The following KCND2 variants were observed in gnomAD, a reference collection of about 807,000 sequenced individuals.
KCND2 encodes potassium voltage-gated channel subfamily D member 2.
A neutral mutation model predicts 54.4 loss-of-function variants in KCND2; 16 were observed. The observed-to-expected ratio is 0.29, with a 90% CI of 0.20 to 0.45. The LOEUF (loss-of-function observed/expected upper bound fraction) is 0.45. Among genes scored for constraint, KCND2 ranks in the 20% least tolerant of loss-of-function variants. KCND2 has a pLI of 1.00. For synonymous variants in KCND2, 317 were observed against 310.7 expected, an observed-to-expected ratio of 1.02 and a Z score of -0.21; for missense variants, 486 against 824.2, an observed-to-expected ratio of 0.59 and a Z score of 5.02.
intron 1 of KCND2, among the ~76,000 whole-genome samples, chr7:120,376,144 A>G (rs1198311233): frequency 6.6e-6 from 1 of 151,814 alleles, no homozygotes; most frequent in African/African-American, 2.4e-5. Flanking sequence ...AACTATCTTT[A>G]ATAGTTTGAA....
At chr7:120,545,096 A>G (rs1441170709) in intron 1 of KCND2, among the ~76,000 whole-genome samples, 1 of 151,902 alleles carries the variant, frequency 6.6e-6, no homozygotes, top group Non-Finnish European at 1.5e-5. Flanking sequence ...AAACATTACC[A>G]TAGGTGTAAA....
chr7:120,595,591 G>GTATATATATATATATATATATATA (rs58301382), intron 1 of KCND2, among the ~76,000 whole-genome samples: 8 of 131,898 alleles, frequency 6.1e-5, no homozygotes, highest in South Asian at 2.4e-4. Context: ...GTGTGTGTGT[G>GTATATATATATATATATATATATA]TATATATATA....
At chr7:120,571,296 A>G (rs1792362787) in intron 1 of KCND2, among the ~76,000 whole-genome samples, 1 of 152,232 alleles carries the variant, frequency 6.6e-6, no homozygotes, top group African/African-American at 2.4e-5. Flanking sequence ...TAAAGAGAGA[A>G]AAAGATAGAA....
chr7:120,545,795 A>G (rs547926634), intron 1 of KCND2, among the ~76,000 whole-genome samples: 26 of 151,696 alleles, frequency 1.7e-4, no homozygotes, highest in Non-Finnish European at 1.8e-4. Context: ...ATTTGGAGGG[A>G]GTTATAGAGA....
intron 1 of KCND2, among the ~76,000 whole-genome samples, chr7:120,532,279 TCAAA>T (rs933444299): frequency 1.3e-5 from 2 of 151,832 alleles, no homozygotes; most frequent in Non-Finnish European, 2.9e-5. Flanking sequence ...TAGAGAGAAA[TCAAA>T]CAAATAAATA....
intron 1 of KCND2, among the ~76,000 whole-genome samples, chr7:120,504,539 A>G (rs758280980): frequency 6.6e-5 from 10 of 151,900 alleles, no homozygotes; most frequent in Non-Finnish European, 1.2e-4. Flanking sequence ...GGTTTTAATT[A>G]TACATCATAG....
chr7:120,651,213 G>T (rs1300741709), intron 1 of KCND2, among the ~76,000 whole-genome samples: 1 of 143,394 alleles, frequency 7.0e-6, no homozygotes, highest in Non-Finnish European at 1.5e-5. Context: ...TGCCCCCAGA[G>T]GTGGAGTCTA....
chr7:120,283,483 A>G (rs1427347308), intron 1 of KCND2, among the ~76,000 whole-genome samples: 1 of 152,154 alleles, frequency 6.6e-6, no homozygotes, highest in East Asian at 1.9e-4. Context: ...AGTTTTTTAT[A>G]TTTACCTTAG....
At chr7:120,708,095 A>G (rs1484319313) in intron 1 of KCND2, among the ~76,000 whole-genome samples, 1 of 152,170 alleles carries the variant, frequency 6.6e-6, no homozygotes, top group Non-Finnish European at 1.5e-5. Context: ...AAAGGGAAAA[A>G]CAAAAGTGAC....
intron 1 of KCND2, among the ~76,000 whole-genome samples, chr7:120,430,565 A>AT (rs2116162999): frequency 6.6e-6 from 1 of 152,156 alleles, no homozygotes; most frequent in Admixed American, 6.5e-5. Flanking sequence ...AAAAAAAAAA[A>AT]ATCTGATTAT....
chr7:120,407,908 T>A (rs1801386107), intron 1 of KCND2, among the ~76,000 whole-genome samples: 1 of 151,828 alleles, frequency 6.6e-6, no homozygotes, highest in Admixed American at 6.6e-5. Flanking sequence ...ACTGAAAAGT[T>A]TGCACTTTAT....
intron 1 of KCND2, among the ~76,000 whole-genome samples, chr7:120,420,273 C>T (rs1332857180): frequency 6.6e-6 from 1 of 152,136 alleles, no homozygotes; most frequent in African/African-American, 2.4e-5. Context: ...CTAATTTTTA[C>T]ATCTACTCAG....
At chr7:120,332,106 T>C (rs898177933) in intron 1 of KCND2, among the ~76,000 whole-genome samples, 11 of 152,062 alleles carry the variant, frequency 7.2e-5, no homozygotes, top group Non-Finnish European at 1.3e-4. Flanking sequence ...CCTCATTCAA[T>C]TGAAATTGAT....
At chr7:120,686,046 CA>C (rs1311165757) in intron 1 of KCND2, among the ~76,000 whole-genome samples, 1 of 152,054 alleles carries the variant, frequency 6.6e-6, no homozygotes, top group Non-Finnish European at 1.5e-5. Context: ...TTCTCTCTGG[CA>C]AAGAAAGGCA....
rs1164141443 is a variant in KCND2 at position 120,483,761 on chromosome 7, C to T, written c.1115+208014C>T. ...AAGATACTGCTAAGCTTAAAGAAAGCAATTTCAGTCAGCTAGTAAAATGAA... is the reference window on the plus strand; with the variant it reads ...AAGATACTGCTAAGCTTAAAGAAAGTAATTTCAGTCAGCTAGTAAAATGAA... On this transcript the variant is annotated intron_variant, in intron 1 of 5. Coordinates refer to ENST00000331113, the MANE Select transcript of KCND2 (RefSeq NM_012281.3). Among the ~76,000 whole-genome samples the T allele has an allele frequency of 2.0e-5, 3 of 152,134 alleles. No individual in the cohort carries two copies. In the East Asian group the frequency reaches 5.8e-4, roughly 29 times the overall value.
rs1799106177 is a variant in KCND2, at chr7:120,273,265, G to A, written c.-1368G>A. On this transcript the variant is annotated 5_prime_UTR_variant, in exon 1 of 6. Transcript: ENST00000331113. ...TAGCAGAGCAGCGCGGGGAGCCCGG[G>A]GAGATGCAGGACCACCCACTGGCGG... is the stretch of plus-strand genomic sequence containing the variant. Among the ~76,000 whole-genome samples, 1 of 151,690 alleles carries A rather than the reference G, an allele frequency of 6.6e-6. No homozygotes were observed. Among genetic ancestry groups the A allele is most frequent in the Non-Finnish European group, 1.5e-5 (1 of 67,796 alleles).
chr7:120,286,658 T>G (rs894129500), intron 1 of KCND2, among the ~76,000 whole-genome samples: 2 of 152,092 alleles, frequency 1.3e-5, no homozygotes, highest in East Asian at 3.9e-4. Context: ...CAAAAGGAAT[T>G]TCCTATTTAG....
At chr7:120,424,339 G>C (rs1472264966) in intron 1 of KCND2, among the ~76,000 whole-genome samples, 1 of 152,078 alleles carries the variant, frequency 6.6e-6, no homozygotes, top group Admixed American at 6.6e-5. Flanking sequence ...GAACTAAAAC[G>C]ACATGAGATA....
At chr7:120,676,891 C>A (rs1383292386) in intron 1 of KCND2, among the ~76,000 whole-genome samples, 1 of 152,172 alleles carries the variant, frequency 6.6e-6, no homozygotes, top group Non-Finnish European at 1.5e-5. Context: ...AAGAACTAAG[C>A]ATGCACTTTC....
Sources: gnomAD v4.1 joint callset for allele counts (sites outside exome capture counted in the v4.1 genomes callset) on GRCh38, gnomAD v4.1.1 for gene constraint, MANE v1.5 for transcripts, NCBI Gene and HGNC (gene_info 2026-07-23, HGNC 2026-07-21) for gene names.